BDP1: variants seen among roughly 807,000 people sequenced by gnomAD.
BDP1 encodes BDP1 general transcription factor IIIB subunit.
In BDP1, 169 loss-of-function variants were observed where a neutral mutation model predicts 266.6. The ratio of observed to expected loss-of-function variants is 0.63; its 90% CI spans 0.56 to 0.72. The LOEUF is 0.72. Ranked by LOEUF, BDP1 falls within the 30% of genes least tolerant of loss-of-function variation. The pLI, the probability that BDP1 is intolerant of heterozygous loss-of-function variation, is 0.00. For synonymous variants in BDP1, 1,090 were observed against 1,022.4 expected (o/e 1.07, Z -1.26); for missense variants, 3,015 against 3,053.8 (o/e 0.99, Z 0.30).
intron 30 of BDP1, among the ~76,000 whole-genome samples, chr5:71,542,692 A>C (rs970949916): frequency 1.5e-5 from 2 of 131,262 alleles, no homozygotes; most frequent in African/African-American, 5.5e-5. Flanking sequence ...GTCTCTTATG[A>C]ATTGAAAACA....
At chr5:71,532,286 T>A in intron 25 of BDP1, 22 bp from the exon 26 acceptor site, 6 of 1,609,500 alleles carry the variant, frequency 3.7e-6, no homozygotes, top group Non-Finnish European at 5.1e-6. Context: ...CAAAATGAAA[T>A]GATAAAACTT....
intron 28 of BDP1, among the ~76,000 whole-genome samples, chr5:71,540,472 C>T (rs1232233580): frequency 2.0e-5 from 3 of 152,120 alleles, no homozygotes; most frequent in Non-Finnish European, 2.9e-5. Context: ...GGATTACAAT[C>T]GCATGCCACC....
At chr5:71,546,847 T>C (rs1003202266) in intron 32 of BDP1, among the ~76,000 whole-genome samples, 7 of 117,806 alleles carry the variant, frequency 5.9e-5, no homozygotes, top group African/African-American at 2.0e-4. Context: ...ATGTCCATTA[T>C]AGCTTTTTTT....
At chr5:71,575,843 C>T in the BDP1 span, among the ~76,000 whole-genome samples, 1 of 152,176 alleles carries the variant, frequency 6.6e-6, no homozygotes, top group Non-Finnish European at 1.5e-5. Context: ...CTGCTTACAT[C>T]ATTCATTTTA....
intron 26 of BDP1, among the ~76,000 whole-genome samples, chr5:71,533,961 A>C (rs925983901): frequency 6.6e-6 from 1 of 151,956 alleles, no homozygotes; most frequent in Non-Finnish European, 1.5e-5. Flanking sequence ...TTTATTATTG[A>C]GTTGTAAGGA....
intron 16 of BDP1, 59 bp downstream of exon 16, chr5:71,504,810 A>G (rs926254106): frequency 6.4e-7 from 1 of 1,561,218 alleles, no homozygotes; most frequent in South Asian, 1.2e-5. Context: ...TTAGAACTCA[A>G]TCAGTTTTTT....
chr5:71,571,394 C>T (rs573656459), downstream of BDP1, among the ~76,000 whole-genome samples: 9 of 152,294 alleles, frequency 5.9e-5, no homozygotes, highest in Non-Finnish European at 7.4e-5. Context: ...ACCAACCACC[C>T]GCCTCGGCCT....
intron 6 of BDP1, among the ~76,000 whole-genome samples, chr5:71,469,128 T>C (rs376939508): frequency 3.9e-4 from 60 of 152,200 alleles, no homozygotes; most frequent in African/African-American, 1.3e-3. Flanking sequence ...TCTCCTGAAG[T>C]GTAACTTCTG....
At position 71,509,579 on chromosome 5, in the gene BDP1, A is replaced by G; in HGVS notation, c.2487A>G (p.Ser829=). The G allele has an allele frequency of 6.2e-7, 1 of 1,613,806 alleles. No homozygotes were observed. The highest frequency in any genetic ancestry group is 8.5e-7 in the Non-Finnish European group (1 of 1,179,956). Residue 829 remains serine, a synonymous_variant, in exon 17 of 39, where the codon TCA becomes TCG. Coordinates refer to ENST00000358731, the MANE Select transcript of BDP1 (RefSeq NM_018429.3). ...GAACTGGAAGGAGAGAAATTTCCTC[A>G]AAGGAAGAGGTACTAGAGAAGATTC... is the stretch of plus-strand genomic sequence containing the variant. ...GRGTGRREIS[S]KEEVLEKILV...
chr5:71,458,940 T>C (rs1761368707), intron 2 of BDP1, 85 bp downstream of exon 2: 5 of 1,338,064 alleles, frequency 3.7e-6, no homozygotes, highest in Non-Finnish European at 5.1e-6. Flanking sequence ...TTGTAGCATT[T>C]TGATGGGGGA....
intron 31 of BDP1, 81 bp from the exon 32 acceptor site, chr5:71,544,958 G>T: frequency 5.7e-6 from 6 of 1,061,564 alleles, no homozygotes; most frequent in East Asian, 3.5e-5. Flanking sequence ...TGAATTAGAT[G>T]ATCTTTTACA....
chr5:71,463,270 A>C (rs1716760589), intron 3 of BDP1, among the ~76,000 whole-genome samples: 1 of 152,202 alleles, frequency 6.6e-6, no homozygotes, highest in Non-Finnish European at 1.5e-5. Context: ...TATTAAAGTT[A>C]GCCTGGGGTT....
chr5:71,553,240 C>T lies in BDP1; in HGVS notation c.7120C>T (p.Leu2374Phe), dbSNP rs1580210972. The T allele has an allele frequency of 6.2e-7, 1 of 1,613,300 alleles. No homozygotes were observed. The highest frequency in any genetic ancestry group is 1.3e-5 in the African/African-American group (1 of 74,972). The change falls in exon 35 of 39, where the codon CTT becomes TTT. Residue 2374 changes from leucine (L) to phenylalanine (F), a missense_variant. Around this residue, in one of 3 missense-constraint regions of BDP1, gnomAD observed 629 missense variants for 632.5 expected, o/e 0.99. Transcript: ENST00000358731. ...ATCTAGGAAGAGATTTCAATGCAGG[C>T]TTGATAAAAATGACCACATTCCTCC... is the stretch of plus-strand genomic sequence containing the variant. ...LVSRKRFQCR[L>F]DKNDHIPPAK...
At chr5:71,530,703 A>G (rs1766190995) in intron 25 of BDP1, among the ~76,000 whole-genome samples, 1 of 152,162 alleles carries the variant, frequency 6.6e-6, no homozygotes, top group Non-Finnish European at 1.5e-5. Context: ...GGTTCATCCC[A>G]GTCCTGTCAG....
intron 17 of BDP1, among the ~76,000 whole-genome samples, chr5:71,511,646 C>T (rs912802313): frequency 8.6e-5 from 13 of 151,612 alleles, no homozygotes; most frequent in African/African-American, 2.7e-4. Context: ...GACCCTGTCT[C>T]AAAAAGAAAT....
At chr5:71,530,680 A>C (rs1766189687) in intron 25 of BDP1, among the ~76,000 whole-genome samples, 1 of 152,144 alleles carries the variant, frequency 6.6e-6, no homozygotes, top group Admixed American at 6.5e-5. Flanking sequence ...CCCCGTGCTC[A>C]CTTGAATTTT....
rs2112154557 is a variant in BDP1, at chr5:71,566,560, A to G, written c.*1675A>G. 1 of 152,272 alleles carries G rather than the reference A, an allele frequency of 6.6e-6. No homozygotes were observed. Among genetic ancestry groups the G allele is most frequent in the African/African-American group, 2.4e-5 (1 of 41,570 alleles). The allele number at this position is 152,272 out of a possible 1,614,324, so 9.4% of individuals were successfully genotyped here. On this transcript the variant is annotated 3_prime_UTR_variant, in exon 39 of 39. Transcript: ENST00000358731. ...GATAGTATAGTAGCTCAGGCATTGGAAACTTTCTGCAAACTGTTTTGGGTT... is the reference window on the plus strand; with the variant it reads ...GATAGTATAGTAGCTCAGGCATTGGGAACTTTCTGCAAACTGTTTTGGGTT...
At chr5:71,535,883 A>G (rs1370876305) in intron 26 of BDP1, among the ~76,000 whole-genome samples, 1 of 152,092 alleles carries the variant, frequency 6.6e-6, no homozygotes, top group Non-Finnish European at 1.5e-5. Context: ...ACCAACTCTA[A>G]TCCAATATGA....
intron 25 of BDP1, among the ~76,000 whole-genome samples, chr5:71,526,432 C>A (rs1464464527): frequency 6.6e-6 from 1 of 151,500 alleles, no homozygotes; most frequent in East Asian, 2.0e-4. Context: ...GCCTGACCAA[C>A]AAGGTGAAAC....
Sources: allele counts gnomAD v4.1 joint callset (sites outside exome capture counted in the v4.1 genomes callset), GRCh38; gene constraint gnomAD v4.1.1; regional missense constraint gnomAD v4.1.1; transcripts MANE v1.5; gene names NCBI Gene and HGNC (gene_info 2026-07-23, HGNC 2026-07-21).